Variants in NFASC observed in about 807,000 individuals in gnomAD.
NFASC encodes the protein neurofascin, also known as neurofascin homolog.
In NFASC, 43 loss-of-function variants were observed where a neutral mutation model predicts 147.5. The ratio of observed to expected loss-of-function variants is 0.29; its 90% CI spans 0.23 to 0.38. NFASC has a LOEUF of 0.38. NFASC is among the 10% of genes least tolerant of loss of function. The pLI, the probability that NFASC is intolerant of heterozygous loss-of-function variation, is 1.00. For synonymous variants in NFASC, 622 were observed against 665.5 expected, an observed-to-expected ratio of 0.93 and a Z score of 1.01; for missense variants, 1,320 against 1,689.0, an observed-to-expected ratio of 0.78 and a Z score of 3.83.
At chr1:204,848,747 CA>C (rs1259566193) in intron 1 of NFASC, among the ~76,000 whole-genome samples, 1 of 152,228 alleles carries the variant, frequency 6.6e-6, no homozygotes, top group East Asian at 1.9e-4. Flanking sequence ...CTGTTGGGAA[CA>C]GAGCAAATAA....
At chr1:204,931,655 C>G (rs571297441) in intron 2 of NFASC, among the ~76,000 whole-genome samples, 1 of 152,150 alleles carries the variant, frequency 6.6e-6, no homozygotes, top group Non-Finnish European at 1.5e-5. Flanking sequence ...GAATACCTGA[C>G]GAACTGTTTC....
intron 1 of NFASC, among the ~76,000 whole-genome samples, chr1:204,910,179 C>T (rs1450710105): frequency 6.6e-6 from 1 of 152,020 alleles, no homozygotes; most frequent in African/African-American, 2.4e-5. Context: ...AGATAATTTG[C>T]ATCTTTACTG....
chr1:204,983,136 T>G (rs980767312), intron 21 of NFASC, among the ~76,000 whole-genome samples: 1 of 152,158 alleles, frequency 6.6e-6, no homozygotes, highest in Non-Finnish European at 1.5e-5. Flanking sequence ...GCCCACAGTT[T>G]CCATTGCACG....
chr1:204,959,279 T>G (rs2094557750), intron 8 of NFASC, among the ~76,000 whole-genome samples: 1 of 152,184 alleles, frequency 6.6e-6, no homozygotes, highest in Admixed American at 6.5e-5. Context: ...GCCGGCAGGT[T>G]GCCTGACACC....
chr1:204,923,285 G>T (rs2090869250), intron 2 of NFASC, among the ~76,000 whole-genome samples: 1 of 152,108 alleles, frequency 6.6e-6, no homozygotes, highest in Admixed American at 6.5e-5. Context: ...GGAAGCCACT[G>T]CCATATGGAG....
At chr1:204,897,755 G>A (rs1221150189) in intron 1 of NFASC, among the ~76,000 whole-genome samples, 1 of 141,800 alleles carries the variant, frequency 7.1e-6, no homozygotes, top group East Asian at 2.1e-4. Flanking sequence ...TTTTTGGGGG[G>A]GGCAGAGTCT....
chr1:204,991,949 A>G (rs1024901363), intron 24 of NFASC, among the ~76,000 whole-genome samples: 6 of 151,762 alleles, frequency 4.0e-5, no homozygotes, highest in Non-Finnish European at 2.9e-5. Flanking sequence ...CAGCTTTTCC[A>G]AGTCTTTATC....
chr1:205,012,751 G>A, intron 28 of NFASC, 46 bp from the exon 29 acceptor site: 2 of 1,387,404 alleles, frequency 1.4e-6, no homozygotes, highest in Non-Finnish European at 2.1e-6. Flanking sequence ...GCAGGGGCAT[G>A]TACTTAATCG....
intron 3 of NFASC, chr1:204,946,218 T>A (rs2093717019): frequency 2.3e-6 from 1 of 430,508 alleles, no homozygotes; most frequent in Non-Finnish European, 4.9e-6. Flanking sequence ...AAATGGTTGG[T>A]GGAAACAAAA....
In NFASC at chr1:204,975,486, T is replaced by C; in HGVS notation, c.1706+68T>C. On this transcript the variant is annotated intron_variant, in intron 15 of 29. Transcript: ENST00000339876. This position sits in a 1 kb window ranked among gnomAD's most constrained non-coding sequence, Gnocchi z 4.0. ...GCATTTTCTTTTCCCTTGCTGTTGG[T>C]GACACATGGAAGAACACAGGGACAG... 1 of 1,557,764 alleles carries C rather than the reference T, an allele frequency of 6.4e-7. No individual in the cohort carries two copies. The highest frequency in any genetic ancestry group is 8.8e-7 in the Non-Finnish European group (1 of 1,141,886).
chr1:204,910,409 T>C (rs2087074350), intron 1 of NFASC, among the ~76,000 whole-genome samples: 1 of 152,298 alleles, frequency 6.6e-6, no homozygotes, highest in African/African-American at 2.4e-5. Context: ...TTGTCTTGTA[T>C]CCTGCAACTT....
At chr1:204,843,280 C>CT (rs1054596556) in intron 1 of NFASC, among the ~76,000 whole-genome samples, 1 of 152,102 alleles carries the variant, frequency 6.6e-6, no homozygotes, top group Non-Finnish European at 1.5e-5. Flanking sequence ...GGACTATTTC[C>CT]TTTTTTAATT....
At chr1:204,921,448 A>G (rs185236200) in intron 2 of NFASC, among the ~76,000 whole-genome samples, 33 of 152,236 alleles carry the variant, frequency 2.2e-4, no homozygotes, top group African/African-American at 7.5e-4. Flanking sequence ...AAATTTCCTT[A>G]TTCTTTGAGT....
chr1:204,918,921 T>G (rs1046917314), intron 1 of NFASC, among the ~76,000 whole-genome samples: 1 of 152,138 alleles, frequency 6.6e-6, no homozygotes, highest in African/African-American at 2.4e-5. Flanking sequence ...TGTAATTATG[T>G]CAAATATTTA....
intron 1 of NFASC, among the ~76,000 whole-genome samples, chr1:204,899,905 AAAGG>A (rs1271690187): frequency 1.3e-5 from 2 of 152,236 alleles, no homozygotes; most frequent in Admixed American, 1.3e-4. Context: ...GTCCTCAGAT[AAAGG>A]ATTTTTAAAA....
At chr1:204,918,500 TA>T (rs765003664) in intron 1 of NFASC, among the ~76,000 whole-genome samples, 11 of 152,184 alleles carry the variant, frequency 7.2e-5, no homozygotes, top group Non-Finnish European at 1.6e-4. Flanking sequence ...ACAATTGTTT[TA>T]ATCTATGTGT....
intron 1 of NFASC, among the ~76,000 whole-genome samples, chr1:204,851,074 G>A (rs1023129813): frequency 6.6e-6 from 1 of 152,140 alleles, no homozygotes; most frequent in African/African-American, 2.4e-5. Context: ...TATATCTGAA[G>A]TGGATTTTCA....
Position 205,016,524 on chromosome 1 carries a change from C to T in NFASC, c.3708C>T (p.Ile1236=). 6.2e-7 allele frequency: 1 copy of T among 1,613,418 alleles called. No homozygotes were observed. Among genetic ancestry groups the T allele is most frequent in the Non-Finnish European group, 8.5e-7 (1 of 1,179,368 alleles). Residue 1236 remains isoleucine, a synonymous_variant, in exon 30 of 30, where the codon ATC becomes ATT. Transcript: ENST00000339876. This position sits in a 1 kb window ranked among gnomAD's most constrained non-coding sequence, Gnocchi z 5.1. ...AGGCCACGTCACCTGTCAATGCTAT[C>T]TACTCTCTGGCCTAACGGAGCCCAC... ...SSEATSPVNA[I]YSLA
intron 8 of NFASC, among the ~76,000 whole-genome samples, chr1:204,967,590 G>A (rs1051865694): frequency 2.0e-5 from 3 of 150,832 alleles, no homozygotes; most frequent in African/African-American, 7.3e-5. Flanking sequence ...CAGCTCACAT[G>A]TAATTACTAC....
Sources: gnomAD v4.1 joint callset for allele counts (sites outside exome capture counted in the v4.1 genomes callset) on GRCh38, gnomAD v4.1.1 for gene constraint, Gnocchi (gnomAD v3.1) non-coding constraint, MANE v1.5 for transcripts, NCBI Gene and HGNC (gene_info 2026-07-23, HGNC 2026-07-21) for gene names.